PRDM13: variants seen among roughly 807,000 people sequenced by gnomAD.
PRDM13 encodes PR/SET domain 13.
In PRDM13, 15 loss-of-function variants were observed where a neutral mutation model predicts 36.4. The observed-to-expected ratio is 0.41, with a 90% CI of 0.28 to 0.64. The LOEUF (loss-of-function observed/expected upper bound fraction) is 0.64. PRDM13 is among the 30% of genes least tolerant of loss of function. PRDM13 has a pLI of 0.29. For synonymous variants in PRDM13, 531 were observed against 467.7 expected (o/e 1.14, Z -1.75); for missense variants, 1,044 against 1,013.5 (o/e 1.03, Z -0.41).
In PRDM13 at chr6:99,614,516, T is replaced by C. The variant is rs748912101; in HGVS notation, c.1881T>C (p.Asn627=). ...ACATCCGGCTGCACGCCGAGGGCAA[T>C]ACGCCCTACCGCTGCGAGTTCTGCG... The part of the protein sequence containing the change: ...NKHIRLHAEG[N]TPYRCEFCGK... Residue 627 remains asparagine, a synonymous_variant, in exon 4 of 4, where the codon AAT becomes AAC. Transcript: ENST00000369215. 1 of 1,613,188 alleles carries C rather than the reference T, an allele frequency of 6.2e-7. No homozygotes were observed. The highest frequency in any genetic ancestry group is 8.5e-7 in the Non-Finnish European group (1 of 1,179,984).
chr6:99,614,072 T>C lies in PRDM13; in HGVS notation c.1437T>C (p.Tyr479=), dbSNP rs1355997212. 1.2e-6 allele frequency: 2 copies of C among 1,604,258 alleles called. No homozygotes were observed. The highest frequency in any genetic ancestry group is 1.7e-6 in the Non-Finnish European group (2 of 1,176,214). Residue 479 remains tyrosine, a synonymous_variant, in exon 4 of 4, where the codon TAT becomes TAC. Transcript: ENST00000369215. Reference sequence around the variant, plus strand: ...ACGGCTCACCGGCCACCACCGCTTATTACCCGCTCAAATTGCACTTCGGCG... The same window carrying C: ...ACGGCTCACCGGCCACCACCGCTTACTACCCGCTCAAATTGCACTTCGGCG... ...LLYGSPATTA[Y]YPLKLHFGGL... is the part of the protein sequence containing the mutation.
In PRDM13 at chr6:99,613,816, T is replaced by C. The variant is rs1456197837; in HGVS notation, c.1181T>C (p.Val394Ala). ...CTGCGCGGCTTCCCTCTGCTCTCCG[T>C]CCCCCCGGAAGAGGCGTCCGCCTTC... ...GALRGFPLLS[V>A]PPEEASAFKH... Residue 394 changes from valine (V) to alanine (A), a missense_variant, in exon 4 of 4, where the codon GTC (valine) becomes GCC (alanine). Val to Ala is a moderately conservative substitution (Grantham distance 64). This residue lies in a region of PRDM13 where 921 missense variants were observed against 865.2 expected (regional missense o/e 1.06). Transcript: ENST00000369215. This position sits in a 1 kb window ranked among gnomAD's most constrained non-coding sequence, Gnocchi z 6.1. 2 of 1,509,420 alleles carry C rather than the reference T, an allele frequency of 1.3e-6. No individual in the cohort carries two copies. The highest frequency in any genetic ancestry group is 2.7e-5 in the East Asian group (1 of 37,360). 93.5% of individuals were successfully genotyped at this position (1,509,420 alleles called of 1,614,324 possible).
chr6:99,612,504 G>T (rs970874790), intron 3 of PRDM13, among the ~76,000 whole-genome samples: 5 of 152,162 alleles, frequency 3.3e-5, no homozygotes, highest in Non-Finnish European at 7.3e-5. Context: ...GGACACAAAA[G>T]ACATTGTCCT....
chr6:99,610,185 T>C lies in PRDM13; in HGVS notation c.397+878T>C, dbSNP rs1161499518. On this transcript the variant is annotated intron_variant, in intron 3 of 3. Transcript: ENST00000369215. The stretch of plus-strand genomic sequence containing the variant: ...ATGTATCCCAGTTTCTTCTCAGATT[T>C]ATTTGATCCCTTCAAAGCCAAGAGC... Among the ~76,000 whole-genome samples the C allele has an allele frequency of 2.0e-5, 3 of 152,238 alleles. 1 individual carries two copies. The highest frequency in any genetic ancestry group is 6.5e-5 in the Admixed American group (1 of 15,282).
In PRDM13 at chr6:99,614,567, C is replaced by T. The variant is rs1264142350; in HGVS notation, c.1932C>T (p.Asp644=). The T allele has an allele frequency of 6.2e-7, 1 of 1,612,794 alleles. No homozygotes were observed. The highest frequency in any genetic ancestry group is 1.1e-5 in the South Asian group (1 of 91,062). The change falls in exon 4 of 4, where the codon GAC becomes GAT. Residue 644 remains aspartate, a synonymous_variant. Transcript: ENST00000369215. ...FCGKVLVRRR[D]LERHVKSRHP... ...GCAAGGTACTTGTGCGCCGCCGGGA[C>T]CTGGAGCGACATGTCAAGTCCCGCC...
chr6:99,612,733 G>A (rs1770049448), intron 3 of PRDM13, among the ~76,000 whole-genome samples: 1 of 152,178 alleles, frequency 6.6e-6, no homozygotes, highest in African/African-American at 2.4e-5. Context: ...CGGCCAGCCT[G>A]CCTGAGTGCT....
At chr6:99,612,964 A>C in intron 3 of PRDM13, 69 bp from the exon 4 acceptor site, 2 of 1,583,132 alleles carry the variant, frequency 1.3e-6, no homozygotes. Context: ...CCTTGGGTGC[A>C]CTGGCGCTTT....
chr6:99,608,434 G>C (rs924048271), intron 1 of PRDM13, among the ~76,000 whole-genome samples: 1 of 152,128 alleles, frequency 6.6e-6, no homozygotes, highest in South Asian at 2.1e-4. Context: ...CTGGGGTAGG[G>C]GACAACTTGG....
intron 3 of PRDM13, among the ~76,000 whole-genome samples, chr6:99,612,268 C>A (rs1018683381): frequency 6.6e-6 from 1 of 152,154 alleles, no homozygotes; most frequent in Non-Finnish European, 1.5e-5. Flanking sequence ...CAAGACAATG[C>A]AACATCATCC....
rs1264785261 is a variant in PRDM13, at chr6:99,614,218, A to T, written c.1583A>T (p.Gln528Leu). 5 of 1,608,876 alleles carry T rather than the reference A, an allele frequency of 3.1e-6. No individual in the cohort carries two copies. Among genetic ancestry groups the T allele is most frequent in the Non-Finnish European group, 4.2e-6 (5 of 1,179,048 alleles). Residue 528 changes from glutamine (Q) to leucine (L), a missense_variant, in exon 4 of 4, where the codon CAG becomes CTG. Gln to Leu is a moderately radical substitution (Grantham distance 113). Transcript: ENST00000369215. The stretch of plus-strand genomic sequence containing the variant: ...CGAGAGATCGCCATGCACAATCAGC[A>T]GCTGTCCGAGATGGCTGCCGGGAAG... Reference protein sequence around the residue: ...IDREIAMHNQQLSEMAAGKGR... With the variant: ...IDREIAMHNQLLSEMAAGKGR...
In PRDM13 at chr6:99,613,343, G is replaced by C. The variant is rs745526393; in HGVS notation, c.708G>C (p.Ser236=). ...AGCGCGAGGCCTCTTCCGCGCCCTC[G>C]GCCACCTCGCCGACCCCAGGCAAGT... ...GIKREASSAP[S]ATSPTPGKWG... is the part of the protein sequence containing the mutation. Residue 236 remains serine (S), a synonymous_variant, in exon 4 of 4, where the codon TCG becomes TCC. Coordinates refer to ENST00000369215, the MANE Select transcript of PRDM13 (RefSeq NM_021620.4). The surrounding 1 kb of genome is among the most constrained non-coding windows in gnomAD (Gnocchi z 6.1). The C allele has an allele frequency of 3.5e-5, 54 of 1,549,310 alleles. No individual in the cohort carries two copies. The Admixed American group carries it at 1.0e-3, about 29-fold the overall frequency.
chr6:99,613,152 C>T lies in PRDM13; in HGVS notation c.517C>T (p.His173Tyr). 6.2e-7 allele frequency: 1 copy of T among 1,613,104 alleles called. No homozygotes were observed. The highest frequency in any genetic ancestry group is 1.1e-5 in the South Asian group (1 of 91,078). ...CGGTGGAGGCGGCGCCTTCCTGCAC[C>T]ACGAACACGCGGCTCGCCAAGGCGC... ...SGGGGGAFLH[H>Y]EHAARQGAVP... Residue 173 changes from histidine to tyrosine, a missense_variant, in exon 4 of 4, where the codon CAC (histidine) becomes TAC (tyrosine). By Grantham distance (83) the His-to-Tyr change is moderately conservative. Around this residue, in one of 3 missense-constraint regions of PRDM13, gnomAD observed 921 missense variants for 865.2 expected, o/e 1.06. Transcript: ENST00000369215. The surrounding 1 kb of genome is among the most constrained non-coding windows in gnomAD (Gnocchi z 6.1).
Position 99,614,321 on chromosome 6 carries a change from A to AGGCAGCGGC in PRDM13, c.1688_1696dup (p.Gly563_Gly565dup), listed in dbSNP as rs776057823. The AGGCAGCGGC allele has an allele frequency of 6.2e-7, 1 of 1,605,356 alleles. No individual in the cohort carries two copies. Among genetic ancestry groups the AGGCAGCGGC allele is most frequent in the South Asian group, 1.1e-5 (1 of 90,524 alleles). ...GAGGCACCGGGGGCGGCGGCAGCGGAGGCAGCGGCGCAGGTAAGCCCAAGA... is the reference window on the plus strand; with the variant it reads ...GAGGCACCGGGGGCGGCGGCAGCGGAGGCAGCGGCGGCAGCGGCGCAGGTAAGCCCAAGA... On this transcript the variant is annotated inframe_insertion, in exon 4 of 4. Coordinates refer to ENST00000369215, the MANE Select transcript of PRDM13 (RefSeq NM_021620.4).
Position 99,613,438 on chromosome 6 carries a change from A to T in PRDM13, c.803A>T (p.Gln268Leu), listed in dbSNP as rs1282210239. 4 of 1,548,542 alleles carry T rather than the reference A, an allele frequency of 2.6e-6. No individual in the cohort carries two copies. The Admixed American group carries it at 7.5e-5, about 29-fold the overall frequency. ...GACATGAGCGGAGCCGCCCGAGGACAAGGGCACTTCCTCGGCATCGTGGGC... is the reference window on the plus strand; with the variant it reads ...GACATGAGCGGAGCCGCCCGAGGACTAGGGCACTTCCTCGGCATCGTGGGC... ...ALDMSGAARG[Q>L]GHFLGIVGGS... Residue 268 changes from glutamine to leucine, a missense_variant, in exon 4 of 4, where the codon CAA (glutamine) becomes CTA (leucine). Gln to Leu is a moderately radical substitution (Grantham distance 113). Transcript: ENST00000369215. The surrounding 1 kb of genome is among the most constrained non-coding windows in gnomAD (Gnocchi z 6.1).
chr6:99,613,650 C>T lies in PRDM13; in HGVS notation c.1015C>T (p.Pro339Ser). ...LLGGGRACGR[P>S]GSGENSAAGG... ...GGGCGGGGGCCGGGCGTGCGGGCGC[C>T]CCGGGAGCGGGGAGAACTCGGCGGC... The change falls in exon 4 of 4, where the codon CCC becomes TCC. Residue 339 changes from proline to serine, a missense_variant. By Grantham distance (74) the Pro-to-Ser change is moderately conservative. Coordinates refer to ENST00000369215, the MANE Select transcript of PRDM13 (RefSeq NM_021620.4). The surrounding 1 kb of genome is among the most constrained non-coding windows in gnomAD (Gnocchi z 6.1). 7.0e-7 allele frequency: 1 copy of T among 1,428,796 alleles called. No homozygotes were observed. Among genetic ancestry groups the T allele is most frequent in the Non-Finnish European group, 9.0e-7 (1 of 1,106,686 alleles). 88.5% of individuals were successfully genotyped at this position (1,428,796 alleles called of 1,614,324 possible). A position where few individuals can be genotyped will look rare whatever the true frequency, so the allele number is the denominator to read the frequency against.
chr6:99,613,708 C>T lies in PRDM13; in HGVS notation c.1073C>T (p.Ala358Val). Residue 358 changes from alanine (A) to valine (V), a missense_variant, in exon 4 of 4, where the codon GCG becomes GTG. Coordinates refer to ENST00000369215, the MANE Select transcript of PRDM13 (RefSeq NM_021620.4). The surrounding 1 kb of genome is among the most constrained non-coding windows in gnomAD (Gnocchi z 6.1). ...GCGGGTCACCACCATCACCACCACGCGCACCACCACCACCATCCCAAGTGC... is the reference window on the plus strand; with the variant it reads ...GCGGGTCACCACCATCACCACCACGTGCACCACCACCACCATCCCAAGTGC... ...GGAGHHHHHH[A>V]HHHHHPKCLL... 6.7e-7 allele frequency: 1 copy of T among 1,482,022 alleles called. No homozygotes were observed. The allele number at this position is 1,482,022 out of a possible 1,614,324, so 91.8% of individuals were successfully genotyped here.
intron 2 of PRDM13, 47 bp downstream of exon 2, chr6:99,608,919 C>T (rs1474403891): frequency 3.8e-6 from 6 of 1,587,972 alleles, no homozygotes; most frequent in Non-Finnish European, 4.3e-6. Flanking sequence ...ACCGCCAATT[C>T]AGTCTACCTA....
At chr6:99,608,913 C>A (rs778787364) in intron 2 of PRDM13, 41 bp downstream of exon 2, 1 of 1,589,858 alleles carries the variant, frequency 6.3e-7, no homozygotes, top group Non-Finnish European at 8.6e-7. Context: ...CTCCCCACCG[C>A]CAATTCAGTC....
Position 99,613,716 on chromosome 6 carries a change from C to G in PRDM13, c.1081C>G (p.His361Asp). 1.3e-6 allele frequency: 2 copies of G among 1,490,966 alleles called. No individual in the cohort carries two copies. The highest frequency in any genetic ancestry group is 1.8e-6 in the Non-Finnish European group (2 of 1,128,530). 92.4% of individuals were successfully genotyped at this position (1,490,966 alleles called of 1,614,324 possible). A position where few individuals can be genotyped will look rare whatever the true frequency, so the allele number is the denominator to read the frequency against. ...CCACCATCACCACCACGCGCACCAC[C>G]ACCACCATCCCAAGTGCCTGCTCGC... ...GHHHHHHAHH[H>D]HHPKCLLAGD... Residue 361 changes from histidine (H) to aspartate (D), a missense_variant, in exon 4 of 4, where the codon CAC (histidine) becomes GAC (aspartate). Coordinates refer to ENST00000369215, the MANE Select transcript of PRDM13 (RefSeq NM_021620.4). The surrounding 1 kb of genome is among the most constrained non-coding windows in gnomAD (Gnocchi z 6.1).
Sources: gnomAD v4.1 joint callset for allele counts (sites outside exome capture counted in the v4.1 genomes callset) on GRCh38, gnomAD v4.1.1 for gene constraint, gnomAD v4.1.1 regional missense constraint, Gnocchi (gnomAD v3.1) non-coding constraint, MANE v1.5 for transcripts, NCBI Gene and HGNC (gene_info 2026-07-23, HGNC 2026-07-21) for gene names.